Variants in PINX1 observed in about 807,000 individuals in gnomAD.
PINX1 encodes the protein PIN2/TERF1-interacting telomerase inhibitor 1.
PINX1 carries 34 observed loss-of-function variants against 25.4 expected under a neutral mutation model. That is an observed-to-expected ratio of 1.34 (90% CI 1.02 to 1.78). The LOEUF (loss-of-function observed/expected upper bound fraction) is 1.78. Among genes scored for constraint, PINX1 ranks in the 40% most tolerant of loss-of-function variants. The probability of loss-of-function intolerance (pLI) is 0.00; values close to 1 mark genes in which losing one functional copy is unlikely to be tolerated. For missense variants in PINX1, 592 were observed against 404.9 expected (o/e 1.46, Z -3.97); for synonymous variants, 197 against 147.7 (o/e 1.33, Z -2.42).
chr8:10,837,493 G>C (rs1287878316), intron 1 of PINX1, among the ~76,000 whole-genome samples: 3 of 152,174 alleles, frequency 2.0e-5, no homozygotes, highest in Non-Finnish European at 4.4e-5. Context: ...GAATCCCCCA[G>C]CACATCATTG....
chr8:10,766,704 G>T (rs1369900254), intron 6 of PINX1, among the ~76,000 whole-genome samples: 1 of 152,238 alleles, frequency 6.6e-6, no homozygotes, highest in Non-Finnish European at 1.5e-5. Flanking sequence ...CATAACAGCT[G>T]GGATTAGGAT....
intron 1 of PINX1, among the ~76,000 whole-genome samples, chr8:10,836,698 G>A (rs1798417340): frequency 6.6e-6 from 1 of 152,018 alleles, no homozygotes; most frequent in Non-Finnish European, 1.5e-5. Flanking sequence ...GGGGGGCGGG[G>A]GGTGGCAGTT....
At chr8:10,797,432 G>T (rs769329555) in intron 6 of PINX1, among the ~76,000 whole-genome samples, 7 of 152,142 alleles carry the variant, frequency 4.6e-5, no homozygotes, top group Non-Finnish European at 8.8e-5. Flanking sequence ...AGTCAACAGT[G>T]GCCTCTCCTG....
At chr8:10,800,119 T>TGGAAATAACATTTTTTCTATCTCCAC (rs1239866220) in intron 6 of PINX1, among the ~76,000 whole-genome samples, 1 of 152,202 alleles carries the variant, frequency 6.6e-6, no homozygotes, top group Non-Finnish European at 1.5e-5. Flanking sequence ...TCAGTTTTGA[T>TGGAAATAACATTTTTTCTATCTCCAC]GGAAATAACA....
rs548869080 is a variant in PINX1 at position 10,808,274 on chromosome 8, A to T, written c.471+11919T>A. 3.3e-5 allele frequency among the ~76,000 whole-genome samples: 5 copies of T among 152,368 alleles called. No homozygotes were observed. In the East Asian group the frequency reaches 7.7e-4, roughly 24 times the overall value. The stretch of plus-strand genomic sequence containing the variant: ...AAAATTATGACATGGAAAAATGTCA[A>T]TGCAAGTTATTATTGTAAAATATGA... On this transcript the variant is annotated intron_variant, in intron 6 of 6. Coordinates refer to ENST00000314787, the MANE Select transcript of PINX1 (RefSeq NM_017884.6).
chr8:10,767,035 T>C (rs1442147525), intron 6 of PINX1, among the ~76,000 whole-genome samples: 2 of 152,228 alleles, frequency 1.3e-5, no homozygotes, highest in African/African-American at 4.8e-5. Context: ...GCAATCATGC[T>C]AAACTTAGGT....
At chr8:10,820,051 T>C (rs1446827272) in intron 6 of PINX1, 142 bp downstream of exon 6, 1 of 661,780 alleles carries the variant, frequency 1.5e-6, no homozygotes, top group Non-Finnish European at 2.8e-6. Context: ...AAAAGGATCA[T>C]ATCTAGGCTG....
At chr8:10,796,937 C>T (rs1278074559) in intron 6 of PINX1, among the ~76,000 whole-genome samples, 3 of 152,022 alleles carry the variant, frequency 2.0e-5, no homozygotes, top group Non-Finnish European at 4.4e-5. Context: ...CAAACATCTA[C>T]CAGCAACACT....
intron 6 of PINX1, among the ~76,000 whole-genome samples, chr8:10,773,269 G>A (rs139998465): frequency 6.6e-6 from 1 of 152,282 alleles, no homozygotes; most frequent in Non-Finnish European, 1.5e-5. Context: ...GAGGACGCTG[G>A]GCTTTGACAA....
intron 6 of PINX1, among the ~76,000 whole-genome samples, chr8:10,793,384 G>A (rs72552396): frequency 1.3e-5 from 2 of 152,146 alleles, no homozygotes; most frequent in African/African-American, 2.4e-5. Context: ...CCAGGGCCAC[G>A]CTGGAAGAAG....
At chr8:10,833,793 A>C (rs1283550589) in intron 2 of PINX1, 3 of 163,002 alleles carry the variant, frequency 1.8e-5, no homozygotes, top group Non-Finnish European at 4.1e-5. Flanking sequence ...TGCGGGAGGC[A>C]AGAGGGCGGA....
At chr8:10,771,890 T>A (rs1419091876) in intron 6 of PINX1, among the ~76,000 whole-genome samples, 1 of 152,192 alleles carries the variant, frequency 6.6e-6, no homozygotes, top group Admixed American at 6.5e-5. Flanking sequence ...TACATCTGAG[T>A]GTCGTCTGCT....
At chr8:10,781,293 A>G (rs1316982670) in intron 6 of PINX1, among the ~76,000 whole-genome samples, 3 of 152,244 alleles carry the variant, frequency 2.0e-5, no homozygotes, top group African/African-American at 7.2e-5. Flanking sequence ...GCTTTTGGCA[A>G]TAATGTGGAT....
At chr8:10,820,980 C>T (rs1257442862) in intron 5 of PINX1, among the ~76,000 whole-genome samples, 1 of 152,224 alleles carries the variant, frequency 6.6e-6, no homozygotes, top group Non-Finnish European at 1.5e-5. Flanking sequence ...AACCCCCAAA[C>T]CAACTAATTT....
intron 1 of PINX1, among the ~76,000 whole-genome samples, chr8:10,837,369 G>A (rs1203621114): frequency 1.3e-5 from 2 of 152,228 alleles, no homozygotes; most frequent in African/African-American, 4.8e-5. Flanking sequence ...CTTGACGCCT[G>A]GCTTAGCCTG....
At chr8:10,786,511 G>C (rs1801752288) in intron 6 of PINX1, among the ~76,000 whole-genome samples, 1 of 152,144 alleles carries the variant, frequency 6.6e-6, no homozygotes, top group Non-Finnish European at 1.5e-5. Flanking sequence ...TCTCAGCGTG[G>C]CTGCAGCATA....
chr8:10,766,212 C>T (rs1024127094), intron 6 of PINX1, among the ~76,000 whole-genome samples: 3 of 152,164 alleles, frequency 2.0e-5, no homozygotes, highest in South Asian at 4.1e-4. Flanking sequence ...GCAGGCAAGC[C>T]GCCTCGATGG....
chr8:10,825,345 G>A (rs374366461), intron 5 of PINX1: 2 of 534,696 alleles, frequency 3.7e-6, no homozygotes, highest in South Asian at 1.4e-5. Context: ...AACCTCCCAG[G>A]AAAGAACCAT....
chr8:10,765,924 G>A lies in PINX1; in HGVS notation c.472-8C>T. ...GGAGGGACTGGCATCGCCCTATGGT[G>A]GGCAGAAGAGTTAAAAGGCAGGTAA... On this transcript the variant is annotated splice_region_variant and splice_polypyrimidine_tract_variant and intron_variant, in intron 6 of 6. Transcript: ENST00000314787. 1.2e-6 allele frequency: 2 copies of A among 1,610,354 alleles called. No homozygotes were observed. Among genetic ancestry groups the A allele is most frequent in the Non-Finnish European group, 1.7e-6 (2 of 1,178,396 alleles).
Sources: gnomAD v4.1 joint callset for allele counts (sites outside exome capture counted in the v4.1 genomes callset) on GRCh38, gnomAD v4.1.1 for gene constraint, MANE v1.5 for transcripts, NCBI Gene and HGNC (gene_info 2026-07-23, HGNC 2026-07-21) for gene names.